ATRX: variants seen among roughly 807,000 people sequenced by gnomAD.
ATRX encodes chromatin remodeler ATRX.
In ATRX, 12 loss-of-function variants were observed where a neutral mutation model predicts 172.6. The observed-to-expected ratio is 0.07, with a 90% CI of 0.04 to 0.11. ATRX has a LOEUF of 0.11. Among genes scored for constraint, ATRX ranks in the 10% least tolerant of loss-of-function variants. The pLI, the probability that ATRX is intolerant of heterozygous loss-of-function variation, is 1.00. For synonymous variants in ATRX, 674 were observed against 594.7 expected, an observed-to-expected ratio of 1.13 and a Z score of -1.94; for missense variants, 1,368 against 1,767.4, an observed-to-expected ratio of 0.77 and a Z score of 4.05.
At chrX:77,609,587 G>A (rs190565596) in intron 22 of ATRX, among the ~76,000 whole-genome samples, 66 of 112,165 alleles carry the variant, frequency 5.9e-4, no homozygotes, top group Admixed American at 4.9e-3. Context: ...AGATTCAAGC[G>A]ATTCTCCTGC....
chrX:77,664,046 AG>A (rs1192412316), intron 11 of ATRX, among the ~76,000 whole-genome samples: 1 of 107,742 alleles, frequency 9.3e-6, no homozygotes, highest in Non-Finnish European at 1.9e-5. Flanking sequence ...GGTTGCAGTG[AG>A]CCAAAATTGC....
intron 10 of ATRX, among the ~76,000 whole-genome samples, chrX:77,671,177 T>A (rs1339141383): frequency 3.6e-5 from 3 of 82,557 alleles, no homozygotes; most frequent in African/African-American, 4.4e-5. Context: ...AATATATATA[T>A]ATATATATAT....
intron 22 of ATRX, among the ~76,000 whole-genome samples, chrX:77,613,347 T>C (rs1313556799): frequency 9.0e-6 from 1 of 111,005 alleles, no homozygotes; most frequent in Non-Finnish European, 1.9e-5. Flanking sequence ...TGAGTAGATA[T>C]GTTGAGCATT....
chrX:77,613,549 T>C (rs2067244668), intron 22 of ATRX, among the ~76,000 whole-genome samples: 1 of 112,171 alleles, frequency 8.9e-6, no homozygotes, highest in Non-Finnish European at 1.9e-5. Context: ...AACCAAATGT[T>C]GATTGAAAAT....
chrX:77,659,754 T>G (rs2148472608), intron 12 of ATRX, among the ~76,000 whole-genome samples: 1 of 111,951 alleles, frequency 8.9e-6, no homozygotes, highest in Non-Finnish European at 1.9e-5. Flanking sequence ...ATGTTGCACT[T>G]TGTTCTTATA....
intron 27 of ATRX, among the ~76,000 whole-genome samples, 165 bp downstream of exon 27, chrX:77,589,669 G>A (rs1301730058): frequency 9.0e-6 from 1 of 111,563 alleles, no homozygotes; most frequent in East Asian, 2.8e-4. Flanking sequence ...TTTTGAAAAA[G>A]ACTATACATA....
chrX:77,700,217 T>C (rs1216845088), intron 2 of ATRX, among the ~76,000 whole-genome samples: 8 of 111,564 alleles, frequency 7.2e-5, no homozygotes, highest in African/African-American at 2.0e-4. Flanking sequence ...AAAAAAGATA[T>C]ACAGACGCAA....
intron 14 of ATRX, among the ~76,000 whole-genome samples, chrX:77,652,949 T>A (rs1416309830): frequency 4.1e-5 from 3 of 73,173 alleles, no homozygotes; most frequent in Admixed American, 1.6e-4. Context: ...ATTAGGAAAA[T>A]ACAAAACAAA....
intron 12 of ATRX, among the ~76,000 whole-genome samples, chrX:77,659,307 A>G (rs1213347401): frequency 9.0e-6 from 1 of 111,251 alleles, no homozygotes; most frequent in Non-Finnish European, 1.9e-5. Context: ...TGACACAAAA[A>G]AATCCTGTAA....
At chrX:77,784,664 A>T (rs782515141) in intron 1 of ATRX, among the ~76,000 whole-genome samples, 1 of 110,314 alleles carries the variant, frequency 9.1e-6, no homozygotes, top group South Asian at 3.8e-4. Context: ...CAAGGCCACA[A>T]TCGTGTACAC....
chrX:77,540,789 T>A, intron 30 of ATRX, among the ~76,000 whole-genome samples: 1 of 111,369 alleles, frequency 9.0e-6, no homozygotes, highest in Non-Finnish European at 1.9e-5. Flanking sequence ...ATACAACGTA[T>A]CAAAATCTCT....
At position 77,685,011 on chromosome X, in the gene ATRX, T is replaced by C. The variant is rs782418023; in HGVS notation, c.595-5A>G. 8.5e-7 allele frequency: 1 copy of C among 1,177,199 alleles called. No individual in the cohort carries two copies. The highest frequency in any genetic ancestry group is 1.8e-5 in the South Asian group (1 of 55,808). On this transcript the variant is annotated splice_polypyrimidine_tract_variant and splice_region_variant and intron_variant, in intron 7 of 34. Transcript: ENST00000373344. ...CATGTAATACTTAAAGCAATTCTAT[T>C]AAAAGAAAAGAGGAAGGGGAAATTT...
intron 32 of ATRX, 80 bp downstream of exon 32, chrX:77,522,183 T>C (rs2147745859): frequency 8.6e-7 from 1 of 1,157,723 alleles, no homozygotes; most frequent in Admixed American, 2.2e-5. Context: ...GTGATATTTC[T>C]GCATAGGGAA....
chrX:77,777,582 T>C (rs1198827865), intron 1 of ATRX, among the ~76,000 whole-genome samples: 3 of 111,166 alleles, frequency 2.7e-5, no homozygotes, highest in African/African-American at 9.8e-5. Flanking sequence ...ATCCACATTT[T>C]CAAAACAAGC....
intron 2 of ATRX, among the ~76,000 whole-genome samples, chrX:77,708,997 A>G (rs911481205): frequency 8.9e-6 from 1 of 112,463 alleles, no homozygotes. Flanking sequence ...GCTTGAGGCC[A>G]GGAGTCTGAG....
In ATRX at chrX:77,664,711, C is replaced by T. The variant is rs1225090134; in HGVS notation, c.3877G>A (p.Asp1293Asn). ...TTTTTCCCTTCTTCTGGCTCATCAT[C>T]TGAAGATCCATCCTCATCAGAGGAA... Reference protein sequence around the residue: ...NLSSDEDGSSDDEPEEGKKRT... With the variant: ...NLSSDEDGSSNDEPEEGKKRT... Residue 1293 changes from aspartate to asparagine, a missense_variant, in exon 11 of 35, where the codon GAT becomes AAT. Physicochemically the swap from Asp to Asn is conservative, Grantham distance 23. Around this residue, in one of 17 missense-constraint regions of ATRX, gnomAD observed 119 missense variants for 131.3 expected, o/e 0.91. Transcript: ENST00000373344. 3 of 1,207,845 alleles carry T rather than the reference C, an allele frequency of 2.5e-6. No individual in the cohort carries two copies. The highest frequency in any genetic ancestry group is 4.4e-5 in the Admixed American group (2 of 45,623).
rs781894393 is a variant in ATRX at position 77,652,401 on chromosome X, T to C, written c.4318-48A>G. On this transcript the variant is annotated intron_variant, in intron 14 of 34. Coordinates refer to ENST00000373344, the MANE Select transcript of ATRX (RefSeq NM_000489.6). ...GGTAAACAGTACAAAGTCATTTAAT[T>C]TATCCATTTCATATTCCATTAATTA... is the stretch of plus-strand genomic sequence containing the variant. The C allele has an allele frequency of 6.9e-6, 8 of 1,151,782 alleles. No individual in the cohort carries two copies. In the East Asian group the frequency reaches 2.1e-4, roughly 31 times the overall value. The allele number at this position is 1,151,782 out of a possible 1,213,427, so 94.9% of individuals were successfully genotyped here. A position where few individuals can be genotyped will look rare whatever the true frequency, so the allele number is the denominator to read the frequency against.
rs142964930 is a variant in ATRX, at chrX:77,563,899, G to A, written c.6327-5053C>T. ...GGTAGGGTTGTGGGTGGGGGCAGTT[G>A]GTATAAGTCCTAGTCTGTCTGAGTC... On this transcript the variant is annotated intron_variant, in intron 28 of 34. Coordinates refer to ENST00000373344, the MANE Select transcript of ATRX (RefSeq NM_000489.6). Among the ~76,000 whole-genome samples, 28 of 110,522 alleles carry A rather than the reference G, an allele frequency of 2.5e-4. No homozygotes were observed. The East Asian group carries it at 7.4e-3, about 29-fold the overall frequency.
intron 9 of ATRX, among the ~76,000 whole-genome samples, chrX:77,680,321 T>A (rs988646433): frequency 1.8e-5 from 2 of 111,942 alleles, no homozygotes; most frequent in South Asian, 7.3e-4. Context: ...GAGCATTCAA[T>A]TGAAACACAC....
Sources: allele counts gnomAD v4.1 joint callset (sites outside exome capture counted in the v4.1 genomes callset), GRCh38; gene constraint gnomAD v4.1.1; regional missense constraint gnomAD v4.1.1; transcripts MANE v1.5; gene names NCBI Gene and HGNC (gene_info 2026-07-23, HGNC 2026-07-21).